Variants in C10orf90 observed in about 807,000 individuals in gnomAD.
C10orf90 encodes the protein (E2-independent) E3 ubiquitin-conjugating enzyme FATS.
Under a neutral mutation model 62.5 loss-of-function variants are expected in C10orf90, and 56 were observed. That is an observed-to-expected ratio of 0.90 (90% CI 0.72 to 1.12). The LOEUF is 1.12. Among genes scored for constraint, C10orf90 ranks in the 50% most tolerant of loss-of-function variants. The pLI is 0.00. For missense variants in C10orf90, 970 were observed against 880.4 expected, an observed-to-expected ratio of 1.10 and a Z score of -1.29; for synonymous variants, 386 against 340.4, an observed-to-expected ratio of 1.13 and a Z score of -1.47.
intron 7 of C10orf90, 39 bp downstream of exon 7, chr10:126,459,001 C>T: frequency 6.3e-7 from 1 of 1,589,682 alleles, no homozygotes; most frequent in South Asian, 1.1e-5. Context: ...CCCCCCATCC[C>T]TGGTCTTTTC....
intron 2 of C10orf90, among the ~76,000 whole-genome samples, chr10:126,580,556 G>T (rs1418083340): frequency 1.3e-5 from 2 of 151,988 alleles, no homozygotes; most frequent in East Asian, 3.9e-4. Flanking sequence ...GGGAGGCTGA[G>T]GCAGGAGAAT....
intron 2 of C10orf90, among the ~76,000 whole-genome samples, chr10:126,566,836 C>G (rs1213456277): frequency 6.6e-6 from 1 of 152,160 alleles, no homozygotes; most frequent in Non-Finnish European, 1.5e-5. Context: ...AGGCAGGACA[C>G]ACAGGACTTG....
intron 2 of C10orf90, among the ~76,000 whole-genome samples, chr10:126,538,332 T>C (rs1864291445): frequency 6.6e-6 from 1 of 152,168 alleles, no homozygotes; most frequent in Admixed American, 6.5e-5. Flanking sequence ...AGATGAGATT[T>C]GGGTGGGGAC....
chr10:126,632,870 A>G (rs1415578786), intron 2 of C10orf90, among the ~76,000 whole-genome samples: 1 of 152,132 alleles, frequency 6.6e-6, no homozygotes, highest in Non-Finnish European at 1.5e-5. Flanking sequence ...ACCCCAACTG[A>G]CAGCTCACTG....
intron 3 of C10orf90, among the ~76,000 whole-genome samples, chr10:126,507,131 G>C (rs889550134): frequency 6.6e-6 from 1 of 152,142 alleles, no homozygotes; most frequent in South Asian, 2.1e-4. Flanking sequence ...GCCAAGGCGG[G>C]TGGATCATGA....
intron 2 of C10orf90, among the ~76,000 whole-genome samples, chr10:126,571,366 G>A (rs752284515): frequency 1.1e-4 from 17 of 152,260 alleles, no homozygotes; most frequent in African/African-American, 3.6e-4. Context: ...CCCTGAGCCC[G>A]GTGGCCCAAG....
chr10:126,555,173 C>T (rs541313978), intron 2 of C10orf90, among the ~76,000 whole-genome samples: 51 of 152,234 alleles, frequency 3.4e-4, no homozygotes, highest in African/African-American at 1.2e-3. Context: ...CCTGACTCAT[C>T]AGCGTTTCAT....
chr10:126,510,713 T>C (rs1863058004), intron 3 of C10orf90, among the ~76,000 whole-genome samples: 1 of 152,260 alleles, frequency 6.6e-6, no homozygotes, highest in Admixed American at 6.5e-5. Context: ...TCTTAAATGT[T>C]TCAAAGATGA....
chr10:126,590,723 C>CA (rs1304903441), intron 2 of C10orf90, among the ~76,000 whole-genome samples: 1 of 151,816 alleles, frequency 6.6e-6, no homozygotes, highest in Non-Finnish European at 1.5e-5. Flanking sequence ...ATGGTCACAC[C>CA]AAAAAGCTAG....
chr10:126,568,424 G>A (rs1193611645), intron 2 of C10orf90, among the ~76,000 whole-genome samples: 2 of 152,112 alleles, frequency 1.3e-5, no homozygotes, highest in Admixed American at 1.3e-4. Flanking sequence ...GTCTCCCTCA[G>A]GTCCTCACCA....
chr10:126,557,068 CTA>C (rs1042458807), intron 2 of C10orf90, among the ~76,000 whole-genome samples: 11 of 148,826 alleles, frequency 7.4e-5, no homozygotes, highest in African/African-American at 2.7e-4. Context: ...CTAATAGGAA[CTA>C]TGTTAGAATG....
chr10:126,636,246 T>C (rs1201993252), intron 2 of C10orf90, among the ~76,000 whole-genome samples: 1 of 152,140 alleles, frequency 6.6e-6, no homozygotes, highest in Non-Finnish European at 1.5e-5. Context: ...TTGATAACAA[T>C]GACCCCTCAC....
intron 2 of C10orf90, among the ~76,000 whole-genome samples, chr10:126,597,708 C>A (rs2134036460): frequency 6.6e-6 from 1 of 152,130 alleles, no homozygotes; most frequent in Admixed American, 6.5e-5. Flanking sequence ...GAGATCACAT[C>A]AAAAAAATTT....
chr10:126,527,557 T>C (rs1186542988), intron 2 of C10orf90, among the ~76,000 whole-genome samples: 5 of 152,238 alleles, frequency 3.3e-5, no homozygotes, highest in African/African-American at 9.6e-5. Flanking sequence ...ATTTCTGTCA[T>C]TTCTGACAAG....
intron 2 of C10orf90, among the ~76,000 whole-genome samples, chr10:126,643,575 G>T (rs1357986605): frequency 2.0e-5 from 3 of 152,166 alleles, no homozygotes; most frequent in African/African-American, 4.8e-5. Flanking sequence ...GGTCAGCATG[G>T]CGCCTGACCC....
At chr10:126,530,863 G>A (rs1864073882) in intron 2 of C10orf90, among the ~76,000 whole-genome samples, 1 of 151,934 alleles carries the variant, frequency 6.6e-6, no homozygotes, top group South Asian at 2.1e-4. Flanking sequence ...AAGAGAGAGG[G>A]AGAAAGAAAA....
chr10:126,657,153 T>C lies in C10orf90; in HGVS notation c.241-10516A>G, dbSNP rs565589258. 2.0e-5 allele frequency among the ~76,000 whole-genome samples: 3 copies of C among 152,306 alleles called. No homozygotes were observed. The East Asian group carries it at 5.8e-4, about 29-fold the overall frequency. The stretch of plus-strand genomic sequence containing the variant: ...CACTATTTTGAATGTTTTTTTTTAA[T>C]TGTGGTAAAATATAAACTACATAAA... On this transcript the variant is annotated intron_variant, in intron 1 of 9. Transcript: ENST00000488181.
chr10:126,590,348 T>A (rs1219351024), intron 2 of C10orf90, among the ~76,000 whole-genome samples: 2 of 152,112 alleles, frequency 1.3e-5, no homozygotes, highest in Non-Finnish European at 1.5e-5. Context: ...ACCTAATAGA[T>A]ACCTGCAGAA....
At chr10:126,457,536 A>G (rs1859663551) in intron 7 of C10orf90, among the ~76,000 whole-genome samples, 2 of 152,192 alleles carry the variant, frequency 1.3e-5, no homozygotes, top group Admixed American at 1.3e-4. Flanking sequence ...AAGGGACCTG[A>G]CTGAAAAGGA....
Sources: allele counts gnomAD v4.1 joint callset (sites outside exome capture counted in the v4.1 genomes callset), GRCh38; gene constraint gnomAD v4.1.1; transcripts MANE v1.5; gene names NCBI Gene and HGNC (gene_info 2026-07-23, HGNC 2026-07-21).